The following CELF2 variants were observed in gnomAD, a reference collection of about 807,000 sequenced individuals.
The protein encoded by CELF2 is CUG triplet repeat RNA-binding protein 2.
CELF2 carries 8 observed loss-of-function variants against 62.6 expected under a neutral mutation model. The observed-to-expected ratio is 0.13, with a 90% confidence interval of 0.07 to 0.23. CELF2 has a LOEUF of 0.23. CELF2 is among the 10% of genes least tolerant of loss of function. CELF2 has a pLI of 1.00. For missense variants in CELF2, 333 were observed against 671.0 expected (o/e 0.50, Z 5.56); for synonymous variants, 258 against 250.0 (o/e 1.03, Z -0.30).
At chr10:10,604,405 T>C in the CELF2 span, among the ~76,000 whole-genome samples, 25 of 152,294 alleles carry the variant, frequency 1.6e-4, no homozygotes, top group African/African-American at 6.0e-4. Flanking sequence ...GTTCTATGGT[T>C]TTATCTCCTG....
At chr10:10,766,897 C>T in the CELF2 span, among the ~76,000 whole-genome samples, 2 of 152,176 alleles carry the variant, frequency 1.3e-5, no homozygotes, top group Non-Finnish European at 2.9e-5. Context: ...ACCTGATCTT[C>T]CAATCTTTCT....
chr10:10,610,538 T>G, the CELF2 span, among the ~76,000 whole-genome samples: 1 of 152,254 alleles, frequency 6.6e-6, no homozygotes, highest in Non-Finnish European at 1.5e-5. Context: ...AAGTTGTTTT[T>G]GCTAATGTGA....
intron 2 of CELF2, among the ~76,000 whole-genome samples, chr10:10,945,082 A>G (rs1228005488): frequency 6.6e-6 from 1 of 152,174 alleles, no homozygotes; most frequent in Non-Finnish European, 1.5e-5. Flanking sequence ...GCAGGAAAGC[A>G]GTGTGTGGAT....
intron 1 of CELF2, among the ~76,000 whole-genome samples, chr10:10,807,169 G>A (rs2055324378): frequency 6.6e-6 from 1 of 152,230 alleles, no homozygotes; most frequent in Admixed American, 6.5e-5. Context: ...AGCCAAGCCA[G>A]GAACTTGCCA....
intron 1 of CELF2, among the ~76,000 whole-genome samples, chr10:11,060,623 C>G (rs1052176809): frequency 6.6e-6 from 1 of 152,166 alleles, no homozygotes; most frequent in African/African-American, 2.4e-5. Flanking sequence ...ATGTGCTTTT[C>G]AGATACTGCC....
At position 11,280,002 on chromosome 10, in the gene CELF2, C is replaced by A. The variant is rs980400559; in HGVS notation, c.841+4882C>A. 6.6e-6 allele frequency among the ~76,000 whole-genome samples: 1 copy of A among 152,150 alleles called. No individual in the cohort carries two copies. The highest frequency in any genetic ancestry group is 1.5e-5 in the Non-Finnish European group (1 of 68,028). ...GCAGAGTGCTTCATGAAGTCAAATG[C>A]AGTTTTTCTTCTCGGAAAGGAACCG... On this transcript the variant is annotated intron_variant, in intron 8 of 12. Transcript: ENST00000633077. This position sits in a 1 kb window ranked among gnomAD's most constrained non-coding sequence, Gnocchi z 7.6.
the CELF2 span, among the ~76,000 whole-genome samples, chr10:10,591,926 C>T: frequency 6.6e-6 from 1 of 152,172 alleles, no homozygotes; most frequent in African/African-American, 2.4e-5. Context: ...CCCCCACATA[C>T]ACACACATAT....
intron 1 of CELF2, among the ~76,000 whole-genome samples, chr10:10,804,226 G>A (rs536399045): frequency 6.6e-6 from 1 of 152,338 alleles, no homozygotes; most frequent in African/African-American, 2.4e-5. Flanking sequence ...TGACCATACA[G>A]TTTCTGTCAC....
chr10:10,969,778 C>T (rs1482883271), intron 2 of CELF2, among the ~76,000 whole-genome samples: 2 of 152,158 alleles, frequency 1.3e-5, no homozygotes, highest in Non-Finnish European at 2.9e-5. Flanking sequence ...AAGCCTTTCC[C>T]ACATAAACGA....
At chr10:10,651,889 T>A in the CELF2 span, among the ~76,000 whole-genome samples, 1 of 150,444 alleles carries the variant, frequency 6.6e-6, no homozygotes, top group Non-Finnish European at 1.5e-5. Flanking sequence ...TTTGACGAGC[T>A]GAGAGAAGAA....
chr10:10,814,240 A>AT (rs57529175), intron 1 of CELF2, among the ~76,000 whole-genome samples: 6 of 148,292 alleles, frequency 4.0e-5, no homozygotes, highest in Non-Finnish European at 7.4e-5. Flanking sequence ...AAAAAAAAAA[A>AT]GCTGCTCTAA....
the CELF2 span, among the ~76,000 whole-genome samples, chr10:10,700,004 G>A: frequency 2.0e-5 from 3 of 152,122 alleles, no homozygotes; most frequent in Non-Finnish European, 4.4e-5. Flanking sequence ...AAAAAGCCTA[G>A]CCTCCACCTT....
intron 3 of CELF2, among the ~76,000 whole-genome samples, chr10:11,230,151 A>G (rs2068107499): frequency 6.6e-6 from 1 of 152,214 alleles, no homozygotes; most frequent in African/African-American, 2.4e-5. Context: ...GCCCTCCCCC[A>G]GGACCTGCAT....
the CELF2 span, among the ~76,000 whole-genome samples, chr10:10,577,392 T>TTATTATTAC: frequency 6.6e-6 from 1 of 150,530 alleles, no homozygotes; most frequent in East Asian, 1.9e-4. Flanking sequence ...ATTATTATTA[T>TTATTATTAC]TATACTTTAA....
chr10:11,187,590 T>C (rs2075294291), intron 2 of CELF2, among the ~76,000 whole-genome samples: 1 of 146,722 alleles, frequency 6.8e-6, no homozygotes, highest in Admixed American at 6.7e-5. Context: ...CCCCAACCTG[T>C]TCTTCCCTTT....
the CELF2 span, among the ~76,000 whole-genome samples, chr10:10,574,454 T>C: frequency 3.8e-3 from 583 of 152,296 alleles, 4 homozygotes; most frequent in Middle Eastern, 0.017. Context: ...GAGAAACGTG[T>C]TATGATCCAC....
In CELF2 at chr10:11,242,859, A is replaced by G. The variant is rs1236168915; in HGVS notation, c.355-6294A>G. ...TCCCCAGGAGGTGGGACGAAGGGGG[A>G]GGCCTGATGCTGGGAGGCTTGTGTG... is the stretch of plus-strand genomic sequence containing the variant. On this transcript the variant is annotated intron_variant, in intron 3 of 12. Transcript: ENST00000633077. This position sits in a 1 kb window ranked among gnomAD's most constrained non-coding sequence, Gnocchi z 4.8. Among the ~76,000 whole-genome samples, 1 of 151,992 alleles carries G rather than the reference A, an allele frequency of 6.6e-6. No homozygotes were observed. Among genetic ancestry groups the G allele is most frequent in the Admixed American group, 6.6e-5 (1 of 15,256 alleles).
At chr10:11,115,019 A>C (rs1197526097) in intron 1 of CELF2, among the ~76,000 whole-genome samples, 9 of 152,212 alleles carry the variant, frequency 5.9e-5, no homozygotes, top group Admixed American at 5.9e-4. Context: ...ACATTTTTGC[A>C]AGGATGAATT....
At chr10:10,859,090 A>G (rs2133067725) in intron 1 of CELF2, among the ~76,000 whole-genome samples, 1 of 152,274 alleles carries the variant, frequency 6.6e-6, no homozygotes, top group African/African-American at 2.4e-5. Context: ...AACTTTTTTC[A>G]AGTATTCGTA....
Sources: allele counts gnomAD v4.1 joint callset (sites outside exome capture counted in the v4.1 genomes callset), GRCh38; gene constraint gnomAD v4.1.1; non-coding constraint Gnocchi (gnomAD v3.1); transcripts MANE v1.5; gene names NCBI Gene and HGNC (gene_info 2026-07-23, HGNC 2026-07-21).